Variants in DCUN1D4 observed in about 807,000 individuals in gnomAD.
DCUN1D4 encodes the protein defective in cullin neddylation 1 domain containing 4, also known as DCN1-like protein 4.
In DCUN1D4, 22 loss-of-function variants were observed where a neutral mutation model predicts 47.9. The observed-to-expected ratio is 0.46, with a 90% CI of 0.33 to 0.66. The LOEUF is 0.66. Ranked by LOEUF, DCUN1D4 falls within the 30% of genes least tolerant of loss-of-function variation. The pLI, the probability that DCUN1D4 is intolerant of heterozygous loss-of-function variation, is 0.02. For missense variants in DCUN1D4, 301 were observed against 340.8 expected, an observed-to-expected ratio of 0.88 and a Z score of 0.92; for synonymous variants, 121 against 112.2, an observed-to-expected ratio of 1.08 and a Z score of -0.50.
In DCUN1D4 at chr4:51,906,682, G is replaced by A. The variant is rs565323686; in HGVS notation, c.616-4388G>A. 5.3e-5 allele frequency among the ~76,000 whole-genome samples: 8 copies of A among 152,268 alleles called. No homozygotes were observed. In the South Asian group the frequency reaches 1.5e-3, roughly 28 times the overall value. ...GAATATGATGGAGTCATCTAAGCCC[G>A]GGTCTATTACACTGAAAATCTTAGT... On this transcript the variant is annotated intron_variant, in intron 8 of 10. Transcript: ENST00000334635.
At chr4:51,859,136 AT>A (rs890630481) in intron 1 of DCUN1D4, among the ~76,000 whole-genome samples, 2 of 152,172 alleles carry the variant, frequency 1.3e-5, no homozygotes, top group African/African-American at 4.8e-5. Context: ...CAGAATAGGA[AT>A]TTTGATTGCA....
intron 3 of DCUN1D4, among the ~76,000 whole-genome samples, chr4:51,870,719 T>TGTTG (rs1370817116): frequency 3.9e-5 from 6 of 152,206 alleles, no homozygotes; most frequent in Admixed American, 6.5e-5. Context: ...AAATCCTAGT[T>TGTTG]GTTGCTCTTG....
chr4:51,884,206 A>G (rs1729113319), intron 5 of DCUN1D4: 1 of 152,118 alleles, frequency 6.6e-6, no homozygotes, highest in Non-Finnish European at 1.5e-5. Context: ...CTGAGTTTGA[A>G]CTTTAGGGGG....
chr4:51,886,403 A>G (rs1442471638), intron 5 of DCUN1D4, among the ~76,000 whole-genome samples, 165 bp from the exon 6 acceptor site: 1 of 152,258 alleles, frequency 6.6e-6, no homozygotes, highest in African/African-American at 2.4e-5. Flanking sequence ...AGAGTCCTTT[A>G]AAGATACTGA....
chr4:51,885,526 G>A (rs962697673), intron 5 of DCUN1D4, among the ~76,000 whole-genome samples: 1 of 134,060 alleles, frequency 7.5e-6, no homozygotes, highest in African/African-American at 3.7e-5. Flanking sequence ...TGCGGGAGGA[G>A]TAGGTTTGAA....
upstream of DCUN1D4, among the ~76,000 whole-genome samples, chr4:51,842,274 T>C (rs1721727808): frequency 6.6e-6 from 1 of 152,072 alleles, no homozygotes; most frequent in South Asian, 2.1e-4. Flanking sequence ...GACTCGTCCA[T>C]GTGTTAGGCT....
At chr4:51,877,920 T>G in intron 5 of DCUN1D4, 66 bp downstream of exon 5, 1 of 1,123,552 alleles carries the variant, frequency 8.9e-7, no homozygotes, top group Non-Finnish European at 1.3e-6. Context: ...TAGAGATGAT[T>G]AAAGAATTTA....
chr4:51,871,267 T>C (rs1726853136), intron 3 of DCUN1D4, among the ~76,000 whole-genome samples: 1 of 152,184 alleles, frequency 6.6e-6, no homozygotes, highest in South Asian at 2.1e-4. Context: ...TGTGAAACTT[T>C]TAATAGAAAG....
intron 5 of DCUN1D4, among the ~76,000 whole-genome samples, chr4:51,882,393 C>G (rs1356167735): frequency 2.6e-5 from 4 of 152,126 alleles, no homozygotes; most frequent in African/African-American, 7.2e-5. Flanking sequence ...TTGGAGGATG[C>G]ACGACGGGGA....
upstream of DCUN1D4, among the ~76,000 whole-genome samples, chr4:51,838,804 G>A (rs570840101): frequency 6.6e-5 from 10 of 152,258 alleles, no homozygotes; most frequent in Admixed American, 3.9e-4. Flanking sequence ...GGCCAGGTGC[G>A]GTGGCTCATG....
At chr4:51,851,898 A>G (rs1383313472) in intron 1 of DCUN1D4, among the ~76,000 whole-genome samples, 2 of 152,224 alleles carry the variant, frequency 1.3e-5, no homozygotes, top group African/African-American at 4.8e-5. Context: ...TTGAGATTCT[A>G]ACTCAAGCAT....
intron 8 of DCUN1D4, 93 bp from the exon 9 acceptor site, chr4:51,910,977 C>T (rs1271964221): frequency 1.6e-6 from 2 of 1,256,302 alleles, no homozygotes; most frequent in Non-Finnish European, 1.2e-6. Context: ...GAGCTGTTTA[C>T]TAATTTCCTG....
chr4:51,886,391 G>A (rs1396329331), intron 5 of DCUN1D4, among the ~76,000 whole-genome samples, 177 bp from the exon 6 acceptor site: 1 of 152,206 alleles, frequency 6.6e-6, no homozygotes, highest in Non-Finnish European at 1.5e-5. Flanking sequence ...ATTGTACAAA[G>A]TAGAGTCCTT....
intron 1 of DCUN1D4, chr4:51,844,738 T>G (rs1455728042): frequency 2.7e-6 from 2 of 752,544 alleles, no homozygotes; most frequent in East Asian, 1.3e-4. Flanking sequence ...TTGTCTCCAG[T>G]CAACGGGTAT....
intron 6 of DCUN1D4, 135 bp from the exon 7 acceptor site, chr4:51,891,625 T>G: frequency 1.5e-6 from 1 of 649,430 alleles, no homozygotes. Context: ...TTAACTCTGC[T>G]CATATTTCAG....
chr4:51,837,654 C>CAAAAAA, the DCUN1D4 span, among the ~76,000 whole-genome samples: 91 of 46,208 alleles, frequency 2.0e-3, 2 homozygotes, highest in Non-Finnish European at 2.5e-3. Flanking sequence ...GACTCCGTCT[C>CAAAAAA]AAAAAAAAAA....
chr4:51,878,743 C>T (rs1178214123), intron 5 of DCUN1D4, among the ~76,000 whole-genome samples: 1 of 152,252 alleles, frequency 6.6e-6, no homozygotes, highest in Admixed American at 6.5e-5. Flanking sequence ...ATCTGACATG[C>T]TCTTACATCT....
chr4:51,835,586 A>C, the DCUN1D4 span, among the ~76,000 whole-genome samples: 1 of 152,102 alleles, frequency 6.6e-6, no homozygotes. Flanking sequence ...AATAAGAGAG[A>C]AGCTATTGTG....
chr4:51,873,359 ATATATT>A (rs1457474159), intron 3 of DCUN1D4, among the ~76,000 whole-genome samples: 3 of 152,196 alleles, frequency 2.0e-5, no homozygotes, highest in African/African-American at 7.2e-5. Context: ...AAATGACATA[ATATATT>A]TGAGGGCACT....
Sources: gnomAD v4.1 joint callset for allele counts (sites outside exome capture counted in the v4.1 genomes callset) on GRCh38, gnomAD v4.1.1 for gene constraint, MANE v1.5 for transcripts, NCBI Gene and HGNC (gene_info 2026-07-23, HGNC 2026-07-21) for gene names.